The following CTNND2 variants were observed in gnomAD, a reference collection of about 807,000 sequenced individuals.
The protein encoded by CTNND2 is catenin delta 2.
A neutral mutation model predicts 144.4 loss-of-function variants in CTNND2; 22 were observed. The ratio of observed to expected loss-of-function variants is 0.15; its 90% CI spans 0.11 to 0.22. The LOEUF (loss-of-function observed/expected upper bound fraction) is 0.22, where lower values mean the gene tolerates loss of function less well. Among genes scored for constraint, CTNND2 ranks in the 10% least tolerant of loss-of-function variants. CTNND2 has a pLI of 1.00. For synonymous variants in CTNND2, 751 were observed against 695.6 expected, an observed-to-expected ratio of 1.08 and a Z score of -1.25; for missense variants, 1,353 against 1,618.8, an observed-to-expected ratio of 0.84 and a Z score of 2.82.
At chr5:11,825,149 A>G (rs1793531671) in intron 1 of CTNND2, among the ~76,000 whole-genome samples, 1 of 152,324 alleles carries the variant, frequency 6.6e-6, no homozygotes, top group African/African-American at 2.4e-5. Context: ...ACTAAGATTC[A>G]GAAATGATGC....
At chr5:11,880,454 A>G (rs1028055421) in intron 1 of CTNND2, among the ~76,000 whole-genome samples, 2 of 150,994 alleles carry the variant, frequency 1.3e-5, no homozygotes, top group Non-Finnish European at 2.9e-5. Flanking sequence ...GGTCTATGAC[A>G]TGGAATAAAG....
chr5:11,136,183 C>T (rs1310564557), intron 12 of CTNND2, among the ~76,000 whole-genome samples: 1 of 152,186 alleles, frequency 6.6e-6, no homozygotes, highest in Non-Finnish European at 1.5e-5. Context: ...GCCTCTAGAA[C>T]TGTCAGAAAT....
At chr5:11,827,854 T>A (rs1793679920) in intron 1 of CTNND2, among the ~76,000 whole-genome samples, 1 of 152,140 alleles carries the variant, frequency 6.6e-6, no homozygotes, top group Non-Finnish European at 1.5e-5. Context: ...TTAAAAGAAA[T>A]TATACCAATT....
At chr5:11,888,354 G>A (rs1736709004) in intron 1 of CTNND2, among the ~76,000 whole-genome samples, 1 of 152,168 alleles carries the variant, frequency 6.6e-6, no homozygotes, top group Non-Finnish European at 1.5e-5. Context: ...GAGAGTGACT[G>A]CGTGCACCCC....
At chr5:11,885,558 T>G (rs1337427649) in intron 1 of CTNND2, among the ~76,000 whole-genome samples, 1 of 152,120 alleles carries the variant, frequency 6.6e-6, no homozygotes, top group Non-Finnish European at 1.5e-5. Flanking sequence ...AAGCAAATAT[T>G]AATAGATCTA....
At position 11,743,137 on chromosome 5, in the gene CTNND2, T is replaced by C. The variant is rs566451472; in HGVS notation, c.38-10865A>G. On this transcript the variant is annotated intron_variant, in intron 1 of 21. Transcript: ENST00000304623. ...AGGGCAGAAACTCAATCTGTCTTGG[T>C]CTATGTTCAATTTCCCACAGCTAAC... is the stretch of plus-strand genomic sequence containing the variant. Among the ~76,000 whole-genome samples the C allele has an allele frequency of 5.3e-5, 8 of 152,348 alleles. No individual in the cohort carries two copies. The South Asian group carries it at 1.2e-3, about 24-fold the overall frequency.
chr5:11,513,565 A>G (rs26168), intron 3 of CTNND2, among the ~76,000 whole-genome samples: 63,944 of 152,022 alleles, frequency 0.42, 14,067 homozygotes, highest in South Asian at 0.54. Flanking sequence ...TTCACTAATA[A>G]TAATTATCTC....
At chr5:11,207,503 G>T (rs145895837) in intron 10 of CTNND2, among the ~76,000 whole-genome samples, 7 of 152,062 alleles carry the variant, frequency 4.6e-5, no homozygotes, top group Admixed American at 3.3e-4. Context: ...GATGGACATT[G>T]TTTAAAATAT....
intron 1 of CTNND2, among the ~76,000 whole-genome samples, chr5:11,766,355 T>A (rs1789587823): frequency 6.6e-6 from 1 of 152,042 alleles, no homozygotes; most frequent in Non-Finnish European, 1.5e-5. Context: ...TGAATTTCCA[T>A]GTGTTGTGGG....
At chr5:11,897,542 C>T (rs1324946956) in intron 1 of CTNND2, among the ~76,000 whole-genome samples, 2 of 152,122 alleles carry the variant, frequency 1.3e-5, no homozygotes, top group Admixed American at 6.6e-5. Flanking sequence ...CAGATTTTAA[C>T]ATCATCTTTT....
intron 21 of CTNND2, among the ~76,000 whole-genome samples, chr5:10,979,619 G>A (rs1278696337): frequency 1.3e-5 from 2 of 152,178 alleles, no homozygotes; most frequent in African/African-American, 4.8e-5. Context: ...GAGAAAATGA[G>A]CCTTCAATAA....
intron 3 of CTNND2, among the ~76,000 whole-genome samples, chr5:11,512,936 T>A (rs886509042): frequency 4.6e-5 from 7 of 152,210 alleles, no homozygotes; most frequent in Admixed American, 4.6e-4. Context: ...TTCATACAAA[T>A]CTCACGTCCT....
intron 2 of CTNND2, among the ~76,000 whole-genome samples, chr5:11,610,696 T>C (rs1296105139): frequency 6.6e-6 from 1 of 152,160 alleles, no homozygotes; most frequent in Admixed American, 6.5e-5. Flanking sequence ...CCCCAAAATA[T>C]CCAGAGAGTT....
rs775238411 is a variant in CTNND2, at chr5:11,397,074, G to T, written c.569C>A (p.Ala190Asp). 2.3e-5 allele frequency: 37 copies of T among 1,613,882 alleles called. No homozygotes were observed. The highest frequency in any genetic ancestry group is 3.1e-5 in the Non-Finnish European group (36 of 1,180,032). ...CGTAGCTCGGGCTTGTGTGCCTCGGGCCGGGAGCTGTGAAGGGGTGGTTTC... is the reference window on the plus strand; with the variant it reads ...CGTAGCTCGGGCTTGTGTGCCTCGGTCCGGGAGCTGTGAAGGGGTGGTTTC... ...LGETTPSQLP[A>D]RGTQARATGQ... The change falls in exon 6 of 22, where the codon GCC becomes GAC. Residue 190 changes from alanine (A) to aspartate (D), a missense_variant. Around this residue, in one of 4 missense-constraint regions of CTNND2, gnomAD observed 708 missense variants for 706.4 expected, o/e 1.00. Coordinates refer to ENST00000304623, the MANE Select transcript of CTNND2 (RefSeq NM_001332.4).
chr5:11,180,432 A>G (rs1760888676), intron 11 of CTNND2, among the ~76,000 whole-genome samples: 1 of 152,184 alleles, frequency 6.6e-6, no homozygotes, highest in Non-Finnish European at 1.5e-5. Flanking sequence ...GTTATTTTGG[A>G]AGCAGAGTCC....
intron 2 of CTNND2, among the ~76,000 whole-genome samples, chr5:11,633,188 G>A (rs1398420277): frequency 1.3e-5 from 2 of 152,148 alleles, no homozygotes; most frequent in Non-Finnish European, 2.9e-5. Flanking sequence ...TCCATATCCA[G>A]ACACATCAGA....
At chr5:11,700,834 A>G (rs1274366517) in intron 2 of CTNND2, among the ~76,000 whole-genome samples, 1 of 152,218 alleles carries the variant, frequency 6.6e-6, no homozygotes, top group East Asian at 1.9e-4. Flanking sequence ...GAGAGAGAAA[A>G]GCCTTTGAAA....
intron 3 of CTNND2, among the ~76,000 whole-genome samples, chr5:11,537,801 A>G (rs372601157): frequency 6.6e-6 from 1 of 152,218 alleles, no homozygotes; most frequent in Non-Finnish European, 1.5e-5. Context: ...TCACATATAA[A>G]AATACAAGAA....
At chr5:11,720,129 CAA>C (rs1786585622) in intron 2 of CTNND2, among the ~76,000 whole-genome samples, 1 of 152,038 alleles carries the variant, frequency 6.6e-6, no homozygotes, top group South Asian at 2.1e-4. Context: ...GTGAATTTCC[CAA>C]AGAGACAGCA....
Sources: gnomAD v4.1 joint callset for allele counts (sites outside exome capture counted in the v4.1 genomes callset) on GRCh38, gnomAD v4.1.1 for gene constraint, gnomAD v4.1.1 regional missense constraint, MANE v1.5 for transcripts, NCBI Gene and HGNC (gene_info 2026-07-23, HGNC 2026-07-21) for gene names.